Variants in ADCY9 observed in about 807,000 individuals in gnomAD.
The protein encoded by ADCY9 is adenylate cyclase type 9.
A neutral mutation model predicts 101.5 loss-of-function variants in ADCY9; 50 were observed. The ratio of observed to expected loss-of-function variants is 0.49; its 90% CI spans 0.39 to 0.62. ADCY9 has a LOEUF of 0.62. Among genes scored for constraint, ADCY9 ranks in the 20% least tolerant of loss-of-function variants. ADCY9 has a pLI of 0.00. For synonymous variants in ADCY9, 905 were observed against 769.3 expected (o/e 1.18, Z -2.92); for missense variants, 1,662 against 1,800.4 (o/e 0.92, Z 1.39).
chr16:4,028,975 G>A lies in ADCY9; in HGVS notation c.1694-21417C>T, dbSNP rs181894401. On this transcript the variant is annotated intron_variant, in intron 2 of 10. Transcript: ENST00000294016. ...AATTTTCGTATTTTTAGTAGAGACG[G>A]GGTTTCACCATCTTGGTCAGGCTGG... 2.5e-4 allele frequency among the ~76,000 whole-genome samples: 38 copies of A among 152,116 alleles called. No individual in the cohort carries two copies. The East Asian group carries it at 6.4e-3, about 26-fold the overall frequency.
At chr16:3,985,498 C>T (rs12148974) in intron 6 of ADCY9, among the ~76,000 whole-genome samples, 5 of 152,122 alleles carry the variant, frequency 3.3e-5, no homozygotes, top group Non-Finnish European at 7.4e-5. Context: ...GGCCCACGCA[C>T]GTCCCCTTTC....
intron 2 of ADCY9, among the ~76,000 whole-genome samples, chr16:4,059,146 G>A (rs1209533401): frequency 6.6e-6 from 1 of 152,030 alleles, no homozygotes; most frequent in Non-Finnish European, 1.5e-5. Context: ...AGCACTCTGG[G>A]AGGCCGAGGT....
At chr16:3,959,446 T>C (rs1411736084), downstream of ADCY9, among the ~76,000 whole-genome samples, 1 of 151,892 alleles carries the variant, frequency 6.6e-6, no homozygotes, top group Admixed American at 6.6e-5. Context: ...TTCACAGTGG[T>C]AAAGCCACTG....
At chr16:4,059,554 G>C (rs1307908881) in intron 2 of ADCY9, among the ~76,000 whole-genome samples, 1 of 152,004 alleles carries the variant, frequency 6.6e-6, no homozygotes, top group Non-Finnish European at 1.5e-5. Flanking sequence ...ACCACCACAG[G>C]GTTGGAAATC....
chr16:4,096,358 A>G (rs1023976169), intron 2 of ADCY9, among the ~76,000 whole-genome samples: 1 of 152,240 alleles, frequency 6.6e-6, no homozygotes, highest in African/African-American at 2.4e-5. Context: ...TATTTTACCA[A>G]TATGAAAAAA....
In ADCY9 at chr16:3,966,225, G is replaced by A. The variant is rs1244290438; in HGVS notation, c.3612C>T (p.Cys1204=). The A allele has an allele frequency of 6.2e-7, 1 of 1,614,200 alleles. No individual in the cohort carries two copies. The highest frequency in any genetic ancestry group is 1.7e-5 in the Admixed American group (1 of 60,014). ...AGCTCTCTTCGCTCACCTGGATGCGGCACTCCACGCCGGTGGTGTCCATCC... is the reference window on the plus strand; with the variant it reads ...AGCTCTCTTCGCTCACCTGGATGCGACACTCCACGCCGGTGGTGTCCATCC... ...ASRMDTTGVE[C]RIQVSEESYR... Residue 1204 remains cysteine, a synonymous_variant, in exon 11 of 11, where the codon TGC becomes TGT. Coordinates refer to ENST00000294016, the MANE Select transcript of ADCY9 (RefSeq NM_001116.4).
Position 3,992,522 on chromosome 16 carries a change from A to ACCTGCTCCAATCCCAGC in ADCY9, c.1990-176_1990-160dup, listed in dbSNP as rs879687625. ...AACCCCCACCCCCCTGCGCCTACAG[A>ACCTGCTCCAATCCCAGC]CCTGCTCCAATCCCAGCCCTGACTG... On this transcript the variant is annotated intron_variant, in intron 4 of 10. Coordinates refer to ENST00000294016, the MANE Select transcript of ADCY9 (RefSeq NM_001116.4). The surrounding 1 kb of genome is among the most constrained non-coding windows in gnomAD (Gnocchi z 4.2). Among the ~76,000 whole-genome samples, 1 of 152,000 alleles carries ACCTGCTCCAATCCCAGC rather than the reference A, an allele frequency of 6.6e-6. No individual in the cohort carries two copies. The highest frequency in any genetic ancestry group is 1.5e-5 in the Non-Finnish European group (1 of 67,980).
At position 4,015,177 on chromosome 16, in the gene ADCY9, A is replaced by G. The variant is rs1411672983; in HGVS notation, c.1694-7619T>C. ...AGGATGGTCTCGATCTCCTGACCTC[A>G]TGATCCGCCCACCTCAGCCTCCCAA... is the stretch of plus-strand genomic sequence containing the variant. On this transcript the variant is annotated intron_variant, in intron 2 of 10. Coordinates refer to ENST00000294016, the MANE Select transcript of ADCY9 (RefSeq NM_001116.4). 4.0e-5 allele frequency among the ~76,000 whole-genome samples: 6 copies of G among 151,272 alleles called. No individual in the cohort carries two copies. In the South Asian group the frequency reaches 8.4e-4, roughly 21 times the overall value.
chr16:3,986,475 G>A (rs2056194178), intron 6 of ADCY9, among the ~76,000 whole-genome samples: 1 of 152,070 alleles, frequency 6.6e-6, no homozygotes, highest in Non-Finnish European at 1.5e-5. Context: ...TTGAGACGGA[G>A]TTTCACTCTT....
chr16:4,050,053 C>T (rs1049863631), intron 2 of ADCY9, among the ~76,000 whole-genome samples: 1 of 151,608 alleles, frequency 6.6e-6, no homozygotes, highest in Non-Finnish European at 1.5e-5. Flanking sequence ...AGAACTATCC[C>T]GAGAGTCCAC....
chr16:4,049,806 G>A (rs891725653), intron 2 of ADCY9, among the ~76,000 whole-genome samples: 3 of 152,078 alleles, frequency 2.0e-5, no homozygotes, highest in African/African-American at 7.2e-5. Context: ...TTCTGTTTAG[G>A]CTACTGCTAT....
chr16:4,052,913 C>A (rs535574987), intron 2 of ADCY9, among the ~76,000 whole-genome samples: 32 of 152,196 alleles, frequency 2.1e-4, no homozygotes, highest in Non-Finnish European at 4.1e-4. Flanking sequence ...CAAGTTGCTT[C>A]TTGACATGAG....
At chr16:4,101,619 G>A (rs988386771) in intron 2 of ADCY9, among the ~76,000 whole-genome samples, 5 of 152,058 alleles carry the variant, frequency 3.3e-5, no homozygotes, top group African/African-American at 4.8e-5. Flanking sequence ...CTTTCTAGGC[G>A]TCATGCCCCA....
At chr16:4,043,178 CCCAGATGGCGCCACTGCACT>C (rs1302762438) in intron 2 of ADCY9, among the ~76,000 whole-genome samples, 1 of 152,074 alleles carries the variant, frequency 6.6e-6, no homozygotes, top group Non-Finnish European at 1.5e-5. Context: ...TTGCAGTGAG[CCCAGATGGCGCCACTGCACT>C]CCAGCCTGGG....
chr16:4,054,758 C>G (rs955386516), intron 2 of ADCY9, among the ~76,000 whole-genome samples: 2 of 151,924 alleles, frequency 1.3e-5, no homozygotes, highest in Admixed American at 6.6e-5. Flanking sequence ...TTAGTAGAGA[C>G]GGGTTTCACT....
chr16:4,075,159 A>G (rs1320333819), intron 2 of ADCY9, among the ~76,000 whole-genome samples: 1 of 138,610 alleles, frequency 7.2e-6, no homozygotes, highest in African/African-American at 2.5e-5. Flanking sequence ...CCTGGGTGAC[A>G]AGGTGAGACC....
At chr16:3,985,202 C>T (rs367872570) in intron 6 of ADCY9, among the ~76,000 whole-genome samples, 226 of 137,766 alleles carry the variant, frequency 1.6e-3, no homozygotes, top group Middle Eastern at 0.012. Context: ...TGCAGTGGCG[C>T]GATCTTGGCT....
intron 3 of ADCY9, among the ~76,000 whole-genome samples, chr16:3,995,245 T>C (rs2056277622): frequency 6.6e-6 from 1 of 152,020 alleles, no homozygotes. Flanking sequence ...CTGGGCAACA[T>C]GGCAAAACCC....
chr16:3,978,012 C>T (rs1050476606), intron 8 of ADCY9, among the ~76,000 whole-genome samples: 4 of 152,198 alleles, frequency 2.6e-5, no homozygotes, highest in African/African-American at 9.7e-5. Context: ...GCCACCGCTC[C>T]CGGCCTAATC....
Sources: gnomAD v4.1 joint callset for allele counts (sites outside exome capture counted in the v4.1 genomes callset) on GRCh38, gnomAD v4.1.1 for gene constraint, Gnocchi (gnomAD v3.1) non-coding constraint, MANE v1.5 for transcripts, NCBI Gene and HGNC (gene_info 2026-07-23, HGNC 2026-07-21) for gene names.